CD109: variants seen among roughly 807,000 people sequenced by gnomAD.
The protein encoded by CD109 is CD109 molecule.
CD109 carries 149 observed loss-of-function variants against 165.8 expected under a neutral mutation model. The observed-to-expected ratio is 0.90, with a 90% CI of 0.79 to 1.03. The LOEUF (loss-of-function observed/expected upper bound fraction) is 1.03. Ranked by LOEUF, CD109 falls within the 50% of genes least tolerant of loss-of-function variation. The pLI, the probability that CD109 is intolerant of heterozygous loss-of-function variation, is 0.00. For synonymous variants in CD109, 585 were observed against 592.1 expected (o/e 0.99, Z 0.18); for missense variants, 1,712 against 1,677.8 (o/e 1.02, Z -0.36).
chr6:73,783,231 A>G (rs537391517), intron 18 of CD109, among the ~76,000 whole-genome samples: 2 of 152,346 alleles, frequency 1.3e-5, no homozygotes, highest in East Asian at 3.9e-4. Context: ...ACCTGGCCTG[A>G]TAATTGAGCA....
At chr6:73,803,429 G>A (rs45470197) in intron 24 of CD109, 128 bp downstream of exon 24, 24,811 of 605,250 alleles carry the variant, frequency 0.041, 615 homozygotes, top group Middle Eastern at 0.084. Flanking sequence ...TCCTTAGTCT[G>A]GCTTTAAAAA....
At chr6:73,688,761 GTTTTTTTTTTTTT>G in the CD109 span, among the ~76,000 whole-genome samples, 39 of 73,530 alleles carry the variant, frequency 5.3e-4, 1 homozygote, top group South Asian at 1.7e-3. Context: ...GTTTTTCTTT[GTTTTTTTTTTTTT>G]TTTTTTTTTT....
At chr6:73,819,239 A>G (rs1776034935) in intron 31 of CD109, among the ~76,000 whole-genome samples, 1 of 152,246 alleles carries the variant, frequency 6.6e-6, no homozygotes, top group African/African-American at 2.4e-5. Flanking sequence ...GTGCTAAATC[A>G]TGGAAGACTA....
intron 23 of CD109, 88 bp downstream of exon 23, chr6:73,792,890 A>T (rs1582169106): frequency 2.0e-6 from 2 of 1,006,728 alleles, no homozygotes; most frequent in Non-Finnish European, 2.9e-6. Context: ...TTCAAAATAG[A>T]TGGATTTTGT....
chr6:73,788,580 C>T lies in CD109; in HGVS notation c.2669C>T (p.Thr890Ile). 1 of 1,613,292 alleles carries T rather than the reference C, an allele frequency of 6.2e-7. No homozygotes were observed. Among genetic ancestry groups the T allele is most frequent in the Non-Finnish European group, 8.5e-7 (1 of 1,179,686 alleles). ...TTCTCATTTCCTCCTAATACAGTGA[C>T]TGGCAGTGAAAGAGTTCAGATCACT... Reference protein sequence around the residue: ...LSFSFPPNTVTGSERVQITAI... With the variant: ...LSFSFPPNTVIGSERVQITAI... The change falls in exon 22 of 33, where the codon ACT becomes ATT. Residue 890 changes from threonine (T) to isoleucine (I), a missense_variant. By Grantham distance (89) the Thr-to-Ile change is moderately conservative (BLOSUM62 -1). Transcript: ENST00000287097.
chr6:73,693,189 G>A (rs931969813), upstream of CD109, among the ~76,000 whole-genome samples: 3 of 152,114 alleles, frequency 2.0e-5, no homozygotes, highest in African/African-American at 7.2e-5. Context: ...AATTCTGCAG[G>A]CTGTTCAAGA....
chr6:73,754,356 G>A (rs985336290), intron 5 of CD109, among the ~76,000 whole-genome samples: 1 of 152,188 alleles, frequency 6.6e-6, no homozygotes, highest in Non-Finnish European at 1.5e-5. Flanking sequence ...AGGAAACAAG[G>A]AAGGGGTCAG....
At chr6:73,736,336 G>A (rs774801480) in intron 4 of CD109, 47 bp from the exon 5 acceptor site, 4 of 1,601,764 alleles carry the variant, frequency 2.5e-6, no homozygotes, top group Non-Finnish European at 3.4e-6. Context: ...GGATACACAT[G>A]CACATGGGCA....
the CD109 span, among the ~76,000 whole-genome samples, chr6:73,687,258 A>G: frequency 6.6e-6 from 1 of 152,166 alleles, no homozygotes; most frequent in African/African-American, 2.4e-5. Context: ...TTAATTCTTT[A>G]CCTTTAATGA....
chr6:73,803,648 T>G (rs1447643655), intron 24 of CD109, among the ~76,000 whole-genome samples: 1 of 151,118 alleles, frequency 6.6e-6, no homozygotes, highest in Admixed American at 6.6e-5. Flanking sequence ...CTTCCATGAC[T>G]AATACAAGTG....
At chr6:73,823,417 A>G in intron 32 of CD109, 41 bp from the exon 33 acceptor site, 1 of 1,496,668 alleles carries the variant, frequency 6.7e-7, no homozygotes, top group Non-Finnish European at 9.1e-7. Context: ...ATGTTTCTAA[A>G]CAAGGGAGCC....
At chr6:73,698,455 G>A (rs773829312) in intron 2 of CD109, among the ~76,000 whole-genome samples, 56 of 151,896 alleles carry the variant, frequency 3.7e-4, no homozygotes, top group Admixed American at 1.4e-3. Flanking sequence ...AAAGTGCTGG[G>A]ATTACAGTCC....
At chr6:73,765,670 A>G (rs2150228361) in intron 10 of CD109, among the ~76,000 whole-genome samples, 2 of 152,286 alleles carry the variant, frequency 1.3e-5, no homozygotes, top group South Asian at 4.1e-4. Flanking sequence ...ACTGAAAAGG[A>G]CACTGAGAGG....
chr6:73,806,922 A>ATGTGT lies in CD109; in HGVS notation c.3040_3041insGTGTT (p.Tyr1014CysfsTer22). 2 of 1,614,000 alleles carry ATGTGT rather than the reference A, an allele frequency of 1.2e-6. No individual in the cohort carries two copies. The highest frequency in any genetic ancestry group is 8.5e-7 in the Non-Finnish European group (1 of 1,179,952). ...TTGATCAGAATGTGTTACACAGAAC[A>ATGTGT]TACACTTGGCTTAAAGGACATCAGA... is the stretch of plus-strand genomic sequence containing the variant. On this transcript the variant is annotated frameshift_variant, in exon 25 of 33. Coordinates refer to ENST00000287097, the MANE Select transcript of CD109 (RefSeq NM_133493.5). LOFTEE classifies it high-confidence loss of function.
chr6:73,744,132 C>A (rs375710779), intron 5 of CD109, among the ~76,000 whole-genome samples: 6 of 152,206 alleles, frequency 3.9e-5, no homozygotes, highest in Non-Finnish European at 7.3e-5. Context: ...CAACCATCTG[C>A]CACCATCCAT....
chr6:73,724,295 G>A (rs1321055796), intron 3 of CD109, among the ~76,000 whole-genome samples: 1 of 152,182 alleles, frequency 6.6e-6, no homozygotes, highest in Non-Finnish European at 1.5e-5. Flanking sequence ...ATGAGATGTG[G>A]AAGTGTTGTA....
intron 5 of CD109, among the ~76,000 whole-genome samples, chr6:73,754,552 T>C (rs1773312460): frequency 2.0e-5 from 3 of 152,188 alleles, no homozygotes; most frequent in South Asian, 4.1e-4. Context: ...GTTAAACAAA[T>C]GATGACCTAA....
chr6:73,792,485 T>A (rs1045787332), intron 22 of CD109, 141 bp from the exon 23 acceptor site: 9 of 741,166 alleles, frequency 1.2e-5, no homozygotes, highest in Admixed American at 2.6e-5. Context: ...TGGTGTAAAG[T>A]TCCAACTCTG....
the CD109 span, among the ~76,000 whole-genome samples, chr6:73,687,169 A>C: frequency 6.6e-6 from 1 of 152,188 alleles, no homozygotes; most frequent in Non-Finnish European, 1.5e-5. Flanking sequence ...TATTAGTTGG[A>C]AAACTATAGA....
Sources: gnomAD v4.1 joint callset for allele counts (sites outside exome capture counted in the v4.1 genomes callset) on GRCh38, gnomAD v4.1.1 for gene constraint, MANE v1.5 for transcripts, NCBI Gene and HGNC (gene_info 2026-07-23, HGNC 2026-07-21) for gene names.